The following HERC3 variants were observed in gnomAD, a reference collection of about 807,000 sequenced individuals.
HERC3 encodes probable E3 ubiquitin-protein ligase HERC3.
A neutral mutation model predicts 129.9 loss-of-function variants in HERC3; 58 were observed. The ratio of observed to expected loss-of-function variants is 0.45; its 90% CI spans 0.36 to 0.56. The LOEUF is 0.56. Among genes scored for constraint, HERC3 ranks in the 20% least tolerant of loss-of-function variants. The pLI, the probability that HERC3 is intolerant of heterozygous loss-of-function variation, is 0.00. For synonymous variants in HERC3, 430 were observed against 451.0 expected (o/e 0.95, Z 0.59); for missense variants, 835 against 1,244.2 (o/e 0.67, Z 4.95).
At chr4:88,693,241 TTG>T in intron 23 of HERC3, 13 of 979,688 alleles carry the variant, frequency 1.3e-5, no homozygotes, top group Non-Finnish European at 1.6e-5. Flanking sequence ...CAAGTATCTT[TTG>T]TGTATAAAGG....
chr4:88,601,279 T>A (rs1722932714), intron 2 of HERC3, among the ~76,000 whole-genome samples: 2 of 152,190 alleles, frequency 1.3e-5, no homozygotes, highest in Admixed American at 1.3e-4. Flanking sequence ...AGGATTACAA[T>A]AAGGCAGTTT....
At chr4:88,657,976 C>A (rs1043057891) in intron 9 of HERC3, among the ~76,000 whole-genome samples, 5 of 151,978 alleles carry the variant, frequency 3.3e-5, no homozygotes, top group Non-Finnish European at 7.4e-5. Flanking sequence ...GAGAATGTCA[C>A]CGTGGACACA....
At chr4:88,698,017 A>G (rs1005434328) in intron 23 of HERC3, among the ~76,000 whole-genome samples, 2 of 151,960 alleles carry the variant, frequency 1.3e-5, no homozygotes, top group Non-Finnish European at 2.9e-5. Context: ...TGTTGGACAG[A>G]CACCCTGTTC....
chr4:88,534,559 T>C, the HERC3 span, among the ~76,000 whole-genome samples: 9 of 152,168 alleles, frequency 5.9e-5, no homozygotes, highest in African/African-American at 2.2e-4. Flanking sequence ...TAAAAGGATC[T>C]CATACTGCAA....
At chr4:88,698,142 C>T (rs1734870023) in intron 23 of HERC3, among the ~76,000 whole-genome samples, 1 of 152,178 alleles carries the variant, frequency 6.6e-6, no homozygotes, top group African/African-American at 2.4e-5. Context: ...GTGTGCTCCT[C>T]ACCCCCATCC....
chr4:88,665,789 A>T (rs898180967), intron 12 of HERC3, among the ~76,000 whole-genome samples: 1 of 152,186 alleles, frequency 6.6e-6, no homozygotes, highest in African/African-American at 2.4e-5. Context: ...TTACTTTTAT[A>T]ATTAAGGCAG....
chr4:88,682,324 A>AT (rs1214382598), intron 21 of HERC3, among the ~76,000 whole-genome samples: 2 of 151,666 alleles, frequency 1.3e-5, no homozygotes, highest in Non-Finnish European at 2.9e-5. Flanking sequence ...TTTTCATTTT[A>AT]TTTTTTTTAA....
At chr4:88,634,393 C>G (rs1244989569) in intron 3 of HERC3, among the ~76,000 whole-genome samples, 1 of 152,194 alleles carries the variant, frequency 6.6e-6, no homozygotes, top group African/African-American at 2.4e-5. Context: ...CACCTACGCT[C>G]CTTGTGGGAG....
chr4:88,527,974 G>A, the HERC3 span: 13 of 277,634 alleles, frequency 4.7e-5, no homozygotes, highest in Admixed American at 3.6e-4. Context: ...TTGGTCCAGC[G>A]GATAGCAAGC....
the HERC3 span, among the ~76,000 whole-genome samples, chr4:88,555,290 A>AAAAG: frequency 6.7e-6 from 1 of 149,992 alleles, no homozygotes. Context: ...TCAAAAAAAA[A>AAAAG]AAAAAGAAAA....
intron 25 of HERC3, among the ~76,000 whole-genome samples, chr4:88,704,863 C>CTTTCTTTTTTTTTTTTTT (rs1336673525): frequency 5.4e-5 from 7 of 130,668 alleles, no homozygotes; most frequent in South Asian, 2.7e-4. Context: ...TTCTTTCTTT[C>CTTTCTTTTTTTTTTTTTT]TTTTTTTTTT....
chr4:88,668,164 C>A, intron 14 of HERC3, 83 bp downstream of exon 14: 1 of 1,095,544 alleles, frequency 9.1e-7, no homozygotes, highest in Non-Finnish European at 1.4e-6. Context: ...GGATTGAGAT[C>A]CAAGAATCTA....
At chr4:88,591,945 C>G (rs1197001419), upstream of HERC3, among the ~76,000 whole-genome samples, 1 of 152,014 alleles carries the variant, frequency 6.6e-6, no homozygotes, top group Non-Finnish European at 1.5e-5. Context: ...CGGCGGCTGC[C>G]GCGTACCTCC....
At chr4:88,625,116 G>A (rs6829597) in intron 3 of HERC3, among the ~76,000 whole-genome samples, 20,824 of 152,122 alleles carry the variant, frequency 0.14, 1,648 homozygotes, top group East Asian at 0.2. Flanking sequence ...TTGGAAGTAT[G>A]TAGTTGCAGA....
At chr4:88,576,260 C>T in the HERC3 span, among the ~76,000 whole-genome samples, 54 of 152,286 alleles carry the variant, frequency 3.5e-4, 1 homozygote, top group South Asian at 0.01. Context: ...TACTACCACT[C>T]CCCTTCCACC....
At chr4:88,686,233 G>A (rs1209021931) in intron 21 of HERC3, among the ~76,000 whole-genome samples, 1 of 152,124 alleles carries the variant, frequency 6.6e-6, no homozygotes, top group Non-Finnish European at 1.5e-5. Flanking sequence ...CAAAAGATTG[G>A]GCACCCCTGG....
the HERC3 span, among the ~76,000 whole-genome samples, chr4:88,538,525 T>C: frequency 6.6e-6 from 1 of 151,230 alleles, no homozygotes; most frequent in Non-Finnish European, 1.5e-5. Flanking sequence ...TCTCTGTACA[T>C]GTCTGTGTCC....
intron 3 of HERC3, among the ~76,000 whole-genome samples, chr4:88,643,006 G>A (rs1728291890): frequency 6.6e-6 from 1 of 152,050 alleles, no homozygotes; most frequent in Non-Finnish European, 1.5e-5. Context: ...ATTAAAAATT[G>A]CAGTGTCTAC....
At chr4:88,692,397 A>G (rs1452498552) in intron 23 of HERC3, among the ~76,000 whole-genome samples, 2 of 152,148 alleles carry the variant, frequency 1.3e-5, no homozygotes, top group Non-Finnish European at 2.9e-5. Flanking sequence ...TAAAGAGATC[A>G]CATAGTAAGA....
Sources: gnomAD v4.1 joint callset for allele counts (sites outside exome capture counted in the v4.1 genomes callset) on GRCh38, gnomAD v4.1.1 for gene constraint, MANE v1.5 for transcripts, NCBI Gene and HGNC (gene_info 2026-07-23, HGNC 2026-07-21) for gene names.